EHBP1: variants seen among roughly 807,000 people sequenced by gnomAD.
EHBP1 encodes the protein EH domain-binding protein 1.
Under a neutral mutation model 144.0 loss-of-function variants are expected in EHBP1, and 55 were observed. That is an observed-to-expected ratio of 0.38 (90% CI 0.31 to 0.48). The LOEUF (loss-of-function observed/expected upper bound fraction) is 0.48. EHBP1 is among the 20% of genes least tolerant of loss of function. The pLI, the probability that EHBP1 is intolerant of heterozygous loss-of-function variation, is 0.98. For synonymous variants in EHBP1, 469 were observed against 472.7 expected (o/e 0.99, Z 0.10); for missense variants, 1,200 against 1,364.2 (o/e 0.88, Z 1.90).
chr2:62,934,075 A>G (rs945751010), intron 10 of EHBP1, among the ~76,000 whole-genome samples: 1 of 152,192 alleles, frequency 6.6e-6, no homozygotes, highest in Non-Finnish European at 1.5e-5. Context: ...ATAAGCATGC[A>G]TTTCTATAGG....
At chr2:62,745,079 A>G (rs777760633) in intron 2 of EHBP1, among the ~76,000 whole-genome samples, 5 of 152,120 alleles carry the variant, frequency 3.3e-5, no homozygotes, top group African/African-American at 4.8e-5. Context: ...GAGATGATGT[A>G]TTATATAGCT....
chr2:62,845,440 G>T (rs1324816792), intron 7 of EHBP1, among the ~76,000 whole-genome samples: 1 of 152,156 alleles, frequency 6.6e-6, no homozygotes, highest in Non-Finnish European at 1.5e-5. Flanking sequence ...TGGTAGTAGA[G>T]GAGATACCAA....
chr2:62,920,525 G>A (rs2054987088), intron 10 of EHBP1, among the ~76,000 whole-genome samples: 1 of 152,082 alleles, frequency 6.6e-6, no homozygotes, highest in Admixed American at 6.6e-5. Flanking sequence ...CCAAAGACAT[G>A]TAAAATAATA....
chr2:62,706,618 G>C (rs1002995558), intron 1 of EHBP1: 1 of 153,076 alleles, frequency 6.5e-6, no homozygotes, highest in South Asian at 2.0e-4. Flanking sequence ...ATGCTAACAG[G>C]GGGAGGTAGG....
At chr2:62,997,427 CATGTGTGTGTGTGTGTGTGTGTGTGT>C (rs1193120999) in intron 19 of EHBP1, among the ~76,000 whole-genome samples, 4 of 139,870 alleles carry the variant, frequency 2.9e-5, no homozygotes, top group Non-Finnish European at 6.2e-5. Flanking sequence ...GAAAGGAACT[CATGTGTGTGTGTGTGTGTGTGTGTGT>C]GTGTGTGTGT....
intron 2 of EHBP1, among the ~76,000 whole-genome samples, chr2:62,730,084 C>T (rs1487592891): frequency 6.6e-6 from 1 of 152,054 alleles, no homozygotes; most frequent in Non-Finnish European, 1.5e-5. Flanking sequence ...TGGTCTTTCT[C>T]CTTTAACTTT....
At position 62,924,149 on chromosome 2, in the gene EHBP1, G is replaced by A. The variant is rs925165479; in HGVS notation, c.1186-18569G>A. On this transcript the variant is annotated intron_variant, in intron 10 of 22. Coordinates refer to ENST00000431489, the MANE Select transcript of EHBP1 (RefSeq NM_001142616.3). ...ATCATGCCTGAGAAACAGCCCCACAGGCAACCCCTGGTGGGCATACCCCCA... is the reference window on the plus strand; with the variant it reads ...ATCATGCCTGAGAAACAGCCCCACAAGCAACCCCTGGTGGGCATACCCCCA... Among the ~76,000 whole-genome samples, 11 of 152,310 alleles carry A rather than the reference G, an allele frequency of 7.2e-5. No individual in the cohort carries two copies. The South Asian group carries it at 2.3e-3, about 32-fold the overall frequency.
chr2:62,943,070 A>C lies in EHBP1; in HGVS notation c.1364+174A>C, dbSNP rs115494333. The stretch of plus-strand genomic sequence containing the variant: ...CTTTTCCTTTTTCATACCTAAAAAC[A>C]ATCTTTTCTCTTTTTAAAAGTGGTG... On this transcript the variant is annotated intron_variant, in intron 11 of 22. Transcript: ENST00000431489. Among the ~76,000 whole-genome samples, 582 of 152,320 alleles carry C rather than the reference A, an allele frequency of 3.8e-3. 2 individuals are homozygous for C. The highest frequency in any genetic ancestry group is 0.013 in the African/African-American group (553 of 41,576).
intron 2 of EHBP1, among the ~76,000 whole-genome samples, chr2:62,715,051 G>A (rs2035529575): frequency 1.3e-5 from 2 of 152,126 alleles, no homozygotes; most frequent in South Asian, 2.1e-4. Context: ...CAGCATTTGT[G>A]TATGCATGTC....
chr2:62,814,729 A>G (rs1272640773), intron 5 of EHBP1, among the ~76,000 whole-genome samples: 3 of 152,244 alleles, frequency 2.0e-5, no homozygotes, highest in Admixed American at 6.5e-5. Context: ...CAACAAAGGC[A>G]TGACGTGTTG....
chr2:62,754,010 G>A (rs746777203), intron 3 of EHBP1, among the ~76,000 whole-genome samples: 15 of 152,200 alleles, frequency 9.9e-5, no homozygotes, highest in East Asian at 1.9e-4. Context: ...GTCATGATCC[G>A]TCCAGGTTTG....
intron 5 of EHBP1, among the ~76,000 whole-genome samples, chr2:62,815,657 A>T (rs746198456): frequency 6.6e-6 from 1 of 152,204 alleles, no homozygotes. Flanking sequence ...TGTTTTATTG[A>T]AACTGAGCAA....
chr2:62,993,660 A>C lies in EHBP1; in HGVS notation c.2864A>C (p.Asn955Thr). 6.3e-7 allele frequency: 1 copy of C among 1,594,912 alleles called. No individual in the cohort carries two copies. The highest frequency in any genetic ancestry group is 8.6e-7 in the Non-Finnish European group (1 of 1,169,140). ...QLQSFSQYIE[N>T]RPEMKRQRSI... ...CAGTCTTTCAGCCAATATATTGAGA[A>C]TAGACCAGGTAGAACACTTTTTAAA... The change falls in exon 17 of 23, where the codon AAT becomes ACT. Residue 955 changes from asparagine to threonine, a missense_variant. Asn to Thr is a moderately conservative substitution (Grantham distance 65). Around this residue, in one of 6 missense-constraint regions of EHBP1, gnomAD observed 543 missense variants for 513.1 expected, o/e 1.06. Transcript: ENST00000431489.
intron 3 of EHBP1, among the ~76,000 whole-genome samples, chr2:62,756,507 G>T (rs1040590777): frequency 7.2e-5 from 11 of 152,178 alleles, no homozygotes; most frequent in Admixed American, 2.0e-4. Context: ...GTTGGCTCAT[G>T]CCTGTAATCC....
chr2:62,932,533 G>A (rs1463883790), intron 10 of EHBP1, among the ~76,000 whole-genome samples: 1 of 152,084 alleles, frequency 6.6e-6, no homozygotes, highest in Non-Finnish European at 1.5e-5. Context: ...ACAGAAAATA[G>A]GATGGCAGTT....
intron 2 of EHBP1, among the ~76,000 whole-genome samples, chr2:62,708,641 A>G (rs1389630302): frequency 2.0e-5 from 3 of 152,210 alleles, no homozygotes; most frequent in South Asian, 2.1e-4. Flanking sequence ...TGCCTAATAG[A>G]TGCCATTATT....
At chr2:63,016,050 A>G (rs1553514607) in intron 19 of EHBP1, among the ~76,000 whole-genome samples, 1 of 152,186 alleles carries the variant, frequency 6.6e-6, no homozygotes, top group Non-Finnish European at 1.5e-5. Flanking sequence ...GAGTTACCCT[A>G]TTCTTCTCTA....
chr2:62,831,707 C>A (rs2046834275), intron 7 of EHBP1, among the ~76,000 whole-genome samples: 1 of 152,132 alleles, frequency 6.6e-6, no homozygotes, highest in Non-Finnish European at 1.5e-5. Flanking sequence ...TATTTATTGA[C>A]AATTTGGCTA....
At chr2:62,953,404 G>A (rs1296864218) in intron 13 of EHBP1, among the ~76,000 whole-genome samples, 2 of 151,474 alleles carry the variant, frequency 1.3e-5, no homozygotes, top group African/African-American at 4.9e-5. Context: ...TCAAGTTTTA[G>A]GCTGGGCATG....
Sources: allele counts gnomAD v4.1 joint callset (sites outside exome capture counted in the v4.1 genomes callset), GRCh38; gene constraint gnomAD v4.1.1; regional missense constraint gnomAD v4.1.1; transcripts MANE v1.5; gene names NCBI Gene and HGNC (gene_info 2026-07-23, HGNC 2026-07-21).